The following TCF4 variants were observed in gnomAD, a reference collection of about 807,000 sequenced individuals.
TCF4 encodes transcription factor 4, also known as SL3-3 enhancer factor 2.
TCF4 carries 3 observed loss-of-function variants against 82.1 expected under a neutral mutation model. The ratio of observed to expected loss-of-function variants is 0.04; its 90% CI spans 0.02 to 0.09. The LOEUF is 0.09. TCF4 is among the 10% of genes least tolerant of loss of function. TCF4 has a pLI of 1.00. For synonymous variants in TCF4, 276 were observed against 309.6 expected (o/e 0.89, Z 1.14); for missense variants, 518 against 852.7 (o/e 0.61, Z 4.89).
Position 55,257,378 on chromosome 18 carries a change from A to C in TCF4, c.1083T>G (p.Val361=). Residue 361 remains valine (V), a synonymous_variant, in exon 14 of 20, where the codon GTT becomes GTG. Coordinates refer to ENST00000354452, the MANE Select transcript of TCF4 (RefSeq NM_001083962.2). ...SPPSLSAGTA[V]WSRNGGQASS... is the part of the protein sequence containing the mutation. ...AGGCCTGTCCTCCATTTCTAGACCAAACAGCTGTGCCTGCTGATATTAAAG... is the reference window on the plus strand; with the variant it reads ...AGGCCTGTCCTCCATTTCTAGACCACACAGCTGTGCCTGCTGATATTAAAG... The C allele has an allele frequency of 6.2e-7, 1 of 1,613,728 alleles. No individual in the cohort carries two copies. The highest frequency in any genetic ancestry group is 8.5e-7 in the Non-Finnish European group (1 of 1,179,692).
upstream of TCF4, chr18:55,589,683 A>ATCATCATCATCCTCCTCC (rs2097680065): frequency 9.7e-7 from 1 of 1,033,572 alleles, no homozygotes; most frequent in African/African-American, 1.7e-5. Flanking sequence ...GAGGTGTCTC[A>ATCATCATCATCCTCCTCC]TCATCATCAT....
intron 8 of TCF4, among the ~76,000 whole-genome samples, chr18:55,347,608 G>A (rs1279332388): frequency 6.6e-6 from 1 of 152,160 alleles, no homozygotes; most frequent in African/African-American, 2.4e-5. Flanking sequence ...TTCAAAACAG[G>A]GCTAGGCAAT....
intron 5 of TCF4, 82 bp downstream of exon 5, chr18:55,460,937 C>G (rs1335400176): frequency 5.7e-6 from 7 of 1,229,694 alleles, no homozygotes; most frequent in South Asian, 5.1e-5. Context: ...AAAAGCAGAA[C>G]CTCTGTCTAG....
Position 55,588,178 on chromosome 18 carries a change from C to T in TCF4, c.-161G>A. On this transcript the variant is annotated 5_prime_UTR_variant, in exon 1 of 20. Transcript: ENST00000354452. ...CTCCCCGCCGCCGCCGCCGCCGCCG[C>T]CACTACAGATCCGCAGACACACAGC... 2 of 1,146,782 alleles carry T rather than the reference C, an allele frequency of 1.7e-6. No homozygotes were observed. Among genetic ancestry groups the T allele is most frequent in the Non-Finnish European group, 2.1e-6 (2 of 939,110 alleles). The allele number at this position is 1,146,782 out of a possible 1,614,324, so 71.0% of individuals were successfully genotyped here.
Position 55,343,890 on chromosome 18 carries a change from T to G in TCF4, c.549+6469A>C, listed in dbSNP as rs111829584. Among the ~76,000 whole-genome samples the G allele has an allele frequency of 5.2e-3, 798 of 152,218 alleles. 2 individuals are homozygous for G. The highest frequency in any genetic ancestry group is 9.1e-3 in the Non-Finnish European group (621 of 67,984). ...CGTGCACACACACATCCGGGGATAG[T>G]AGAAATTGATCAAGGCTGAAAATCC... On this transcript the variant is annotated intron_variant, in intron 8 of 19. Coordinates refer to ENST00000354452, the MANE Select transcript of TCF4 (RefSeq NM_001083962.2).
chr18:55,468,208 A>G (rs1026209302), intron 3 of TCF4, among the ~76,000 whole-genome samples: 1 of 152,258 alleles, frequency 6.6e-6, no homozygotes, highest in Non-Finnish European at 1.5e-5. Flanking sequence ...CTGCAAAATA[A>G]AAGTAGCAGA....
Position 55,259,970 on chromosome 18 carries a change from C to A in TCF4, c.1048G>T (p.Gly350Cys), listed in dbSNP as rs1281502156. ...CTACCTGAGAGAGATGGAGGAGAGC[C>A]AACAGGAGTTGAAGGGTTTGATGAA... ...SFSSNPSTPVGSPPSLSAGTA... is the reference protein window; with the variant it reads ...SFSSNPSTPVCSPPSLSAGTA... Residue 350 changes from glycine (G) to cysteine (C), a missense_variant, in exon 13 of 20, where the codon GGC becomes TGC. Physicochemically the swap from Gly to Cys is radical, Grantham distance 159 (BLOSUM62 -3). Transcript: ENST00000354452. 6.2e-7 allele frequency: 1 copy of A among 1,612,506 alleles called. No individual in the cohort carries two copies.
chr18:55,589,198 T>C (rs1038562157), upstream of TCF4: 1 of 917,716 alleles, frequency 1.1e-6, no homozygotes, highest in Admixed American at 5.5e-5. Context: ...AATTATTTAA[T>C]AGGTTGTCCC....
Position 55,227,890 on chromosome 18 carries a change from G to A in TCF4, c.*145C>T, listed in dbSNP as rs2046808516. The A allele has an allele frequency of 4.2e-6, 1 of 240,544 alleles. No individual in the cohort carries two copies. The highest frequency in any genetic ancestry group is 8.2e-6 in the Non-Finnish European group (1 of 121,446). 14.9% of individuals were successfully genotyped at this position (240,544 alleles called of 1,614,324 possible). A position where few individuals can be genotyped will look rare whatever the true frequency, so the allele number is the denominator to read the frequency against. On this transcript the variant is annotated 3_prime_UTR_variant, in exon 20 of 20. Coordinates refer to ENST00000354452, the MANE Select transcript of TCF4 (RefSeq NM_001083962.2). ...ATAATTGGGAATGCTGAAACCTCTT[G>A]CGTCTGCGATTCATAACTACTCAGA...
chr18:55,253,306 T>C (rs1252250465), intron 15 of TCF4, among the ~76,000 whole-genome samples: 1 of 152,158 alleles, frequency 6.6e-6, no homozygotes, highest in Non-Finnish European at 1.5e-5. Context: ...TTTGGGACCA[T>C]GCTTAAACGA....
At chr18:55,372,636 T>A (rs908913838) in intron 6 of TCF4, among the ~76,000 whole-genome samples, 1 of 152,056 alleles carries the variant, frequency 6.6e-6, no homozygotes, top group East Asian at 1.9e-4. Context: ...GATATATAAC[T>A]GTATAATGAC....
chr18:55,280,777 AT>A (rs201734887), intron 8 of TCF4, among the ~76,000 whole-genome samples: 9 of 151,300 alleles, frequency 5.9e-5, no homozygotes, highest in African/African-American at 9.7e-5. Flanking sequence ...AATAACTCTC[AT>A]TTTTTTTTAC....
At chr18:55,623,889 T>G (rs1403869133) in intron 2 of TCF4, among the ~76,000 whole-genome samples, 2 of 152,178 alleles carry the variant, frequency 1.3e-5, no homozygotes, top group South Asian at 2.1e-4. Flanking sequence ...CCAGAACTTA[T>G]GAGAGAGATT....
rs1237426402 is a variant in TCF4 at position 55,234,532 on chromosome 18, G to A, written c.1486+16C>T. The A allele has an allele frequency of 6.2e-7, 1 of 1,614,036 alleles. No homozygotes were observed. Among genetic ancestry groups the A allele is most frequent in the Non-Finnish European group, 8.5e-7 (1 of 1,180,026 alleles). On this transcript the variant is annotated intron_variant, in intron 16 of 19. Coordinates refer to ENST00000354452, the MANE Select transcript of TCF4 (RefSeq NM_001083962.2). Reference sequence around the variant, plus strand: ...GTGAAAGTGAGGTCAGAAGTGCCCTGGTGAGGCCAACCTACCTCTGTAAGG... The same window carrying A: ...GTGAAAGTGAGGTCAGAAGTGCCCTAGTGAGGCCAACCTACCTCTGTAAGG...
intron 2 of TCF4, among the ~76,000 whole-genome samples, chr18:55,607,283 T>TA (rs954162676): frequency 6.6e-6 from 1 of 152,204 alleles, no homozygotes; most frequent in Non-Finnish European, 1.5e-5. Context: ...AAGCATCTGA[T>TA]AAAAATGTGT....
chr18:55,598,302 T>C (rs1201890346), intron 2 of TCF4, among the ~76,000 whole-genome samples: 2 of 152,234 alleles, frequency 1.3e-5, no homozygotes, highest in African/African-American at 4.8e-5. Flanking sequence ...AGTAAGGATC[T>C]TGTTAGGGTT....
intron 5 of TCF4, among the ~76,000 whole-genome samples, chr18:55,450,314 C>T (rs1198169710): frequency 6.6e-6 from 1 of 152,154 alleles, no homozygotes; most frequent in Non-Finnish European, 1.5e-5. Flanking sequence ...ATGATGCTTC[C>T]TTGCAATTTT....
At chr18:55,291,691 C>G (rs973558129) in intron 8 of TCF4, among the ~76,000 whole-genome samples, 4 of 152,130 alleles carry the variant, frequency 2.6e-5, no homozygotes, top group Non-Finnish European at 5.9e-5. Context: ...TGTCTGTTAC[C>G]CATTCAAATG....
At chr18:55,372,475 G>T (rs554596863) in intron 6 of TCF4, among the ~76,000 whole-genome samples, 11 of 152,140 alleles carry the variant, frequency 7.2e-5, no homozygotes, top group African/African-American at 2.7e-4. Flanking sequence ...GAACAAAAAT[G>T]TGACAGAAAA....
Sources: allele counts gnomAD v4.1 joint callset (sites outside exome capture counted in the v4.1 genomes callset), GRCh38; gene constraint gnomAD v4.1.1; transcripts MANE v1.5; gene names NCBI Gene and HGNC (gene_info 2026-07-23, HGNC 2026-07-21).